ROBO2: variants seen among roughly 807,000 people sequenced by gnomAD.
The protein encoded by ROBO2 is roundabout guidance receptor 2.
In ROBO2, 53 loss-of-function variants were observed where a neutral mutation model predicts 160.8. The ratio of observed to expected loss-of-function variants is 0.33; its 90% CI spans 0.26 to 0.41. The LOEUF (loss-of-function observed/expected upper bound fraction) is 0.41. Ranked by LOEUF, ROBO2 falls within the 10% of genes least tolerant of loss-of-function variation. ROBO2 has a pLI of 1.00. For missense variants in ROBO2, 1,577 were observed against 1,722.4 expected (o/e 0.92, Z 1.49); for synonymous variants, 664 against 611.7 (o/e 1.09, Z -1.26).
chr3:77,442,038 C>A (rs1027227935), intron 2 of ROBO2, among the ~76,000 whole-genome samples: 1 of 152,088 alleles, frequency 6.6e-6, no homozygotes, highest in East Asian at 1.9e-4. Context: ...TACGGCCGGG[C>A]GCGGTGGCTC....
chr3:77,519,594 G>A (rs973529357), intron 5 of ROBO2, among the ~76,000 whole-genome samples: 1 of 151,042 alleles, frequency 6.6e-6, no homozygotes, highest in Non-Finnish European at 1.5e-5. Flanking sequence ...CCACTTATAA[G>A]TGAGAACATG....
chr3:76,711,155 G>A (rs888210325), intron 2 of ROBO2, among the ~76,000 whole-genome samples: 1 of 152,156 alleles, frequency 6.6e-6, no homozygotes, highest in Non-Finnish European at 1.5e-5. Context: ...AAGAAAAGAG[G>A]TTTAGTTGAC....
intron 19 of ROBO2, among the ~76,000 whole-genome samples, chr3:77,600,852 T>C (rs553849614): frequency 6.6e-6 from 1 of 152,344 alleles, no homozygotes; most frequent in South Asian, 2.1e-4. Flanking sequence ...AAAGTAGTTG[T>C]GAAGTTCTGA....
chr3:76,059,366 A>G (rs202026069), intron 2 of ROBO2, among the ~76,000 whole-genome samples: 3,116 of 152,000 alleles, frequency 0.021, 43 homozygotes, highest in East Asian at 0.081. Flanking sequence ...ATGGTATCTC[A>G]TTGTGGTTTT....
intron 2 of ROBO2, among the ~76,000 whole-genome samples, chr3:76,219,265 G>A (rs927595839): frequency 1.1e-4 from 16 of 152,156 alleles, no homozygotes; most frequent in African/African-American, 3.6e-4. Context: ...ATAGGCATGG[G>A]CAAGGACTTC....
At chr3:77,612,367 C>A (rs1310472158) in intron 21 of ROBO2, among the ~76,000 whole-genome samples, 1 of 152,148 alleles carries the variant, frequency 6.6e-6, no homozygotes, top group Admixed American at 6.5e-5. Context: ...TGCATGAAAC[C>A]TAAGTATTTG....
At chr3:76,118,455 A>G (rs529950053) in intron 2 of ROBO2, among the ~76,000 whole-genome samples, 1 of 152,306 alleles carries the variant, frequency 6.6e-6, no homozygotes, top group South Asian at 2.1e-4. Context: ...TCATAAGGTC[A>G]TGTACTGTTT....
intron 2 of ROBO2, among the ~76,000 whole-genome samples, chr3:76,824,381 G>A (rs1226237415): frequency 3.3e-5 from 5 of 152,142 alleles, no homozygotes; most frequent in African/African-American, 9.6e-5. Context: ...ATAGGCGGGG[G>A]CCACAGTGCC....
At chr3:77,350,673 G>A (rs2153458033) in intron 2 of ROBO2, among the ~76,000 whole-genome samples, 1 of 152,254 alleles carries the variant, frequency 6.6e-6, no homozygotes, top group Middle Eastern at 3.4e-3. Context: ...ATAATTCTGG[G>A]TTTTCATAGA....
In ROBO2 at chr3:76,422,043, A is replaced by C. The variant is rs565659067; in HGVS notation, c.109+484441A>C. ...AGGTTCTTAGTAACTTCCTTTGCCA[A>C]ACTGGGCAAATAAGCAGGCCCACCT... is the stretch of plus-strand genomic sequence containing the variant. On this transcript the variant is annotated intron_variant, in intron 2 of 26. Coordinates refer to the ROBO2 transcript ENST00000487694. Among the ~76,000 whole-genome samples, 14 of 152,282 alleles carry C rather than the reference A, an allele frequency of 9.2e-5. No homozygotes were observed. The South Asian group carries it at 2.7e-3, about 29-fold the overall frequency.
intron 2 of ROBO2, among the ~76,000 whole-genome samples, chr3:76,026,752 C>T (rs1232576299): frequency 6.6e-6 from 1 of 151,868 alleles, no homozygotes; most frequent in Non-Finnish European, 1.5e-5. Context: ...CAGAACTATA[C>T]AAAATGTGAA....
At chr3:76,724,242 C>T (rs2093511650) in intron 2 of ROBO2, among the ~76,000 whole-genome samples, 1 of 152,274 alleles carries the variant, frequency 6.6e-6, no homozygotes, top group East Asian at 1.9e-4. Flanking sequence ...TCCTGACCAG[C>T]CCTCTGGACC....
intron 2 of ROBO2, among the ~76,000 whole-genome samples, chr3:77,254,269 A>G (rs1398605572): frequency 6.6e-6 from 1 of 152,190 alleles, no homozygotes; most frequent in African/African-American, 2.4e-5. Context: ...CTCAAAAAGA[A>G]AGAAAAAATA....
At chr3:76,595,546 A>G (rs1469410010) in intron 2 of ROBO2, among the ~76,000 whole-genome samples, 1 of 152,074 alleles carries the variant, frequency 6.6e-6, no homozygotes, top group East Asian at 1.9e-4. Flanking sequence ...ATAAAATTAT[A>G]TTTTGTTAAT....
At chr3:77,306,556 C>G (rs950569800) in intron 2 of ROBO2, among the ~76,000 whole-genome samples, 9 of 152,004 alleles carry the variant, frequency 5.9e-5, no homozygotes, top group Admixed American at 5.2e-4. Context: ...CCTGTGTGAC[C>G]CTGTCTTAAA....
chr3:76,975,130 T>C (rs905694805), intron 2 of ROBO2, among the ~76,000 whole-genome samples: 41 of 152,276 alleles, frequency 2.7e-4, no homozygotes, highest in African/African-American at 9.4e-4. Flanking sequence ...GTTGATGTCA[T>C]TGTTTATTGT....
At chr3:77,375,122 G>A (rs749484554) in intron 2 of ROBO2, among the ~76,000 whole-genome samples, 14 of 152,194 alleles carry the variant, frequency 9.2e-5, no homozygotes, top group Non-Finnish European at 1.8e-4. Flanking sequence ...CAAGGTGGGA[G>A]GATCATTTGA....
chr3:77,188,233 G>C (rs905067415), intron 2 of ROBO2, among the ~76,000 whole-genome samples: 4 of 143,156 alleles, frequency 2.8e-5, no homozygotes, highest in African/African-American at 6.0e-5. Context: ...AAGGGTAAAA[G>C]CCAACTAAAT....
chr3:77,143,356 G>A (rs894232401), intron 2 of ROBO2, among the ~76,000 whole-genome samples: 1 of 151,192 alleles, frequency 6.6e-6, no homozygotes, highest in African/African-American at 2.4e-5. Flanking sequence ...CACCACACCC[G>A]GCTAATTTTT....
Sources: gnomAD v4.1 joint callset for allele counts (sites outside exome capture counted in the v4.1 genomes callset) on GRCh38, gnomAD v4.1.1 for gene constraint, MANE v1.5 for transcripts, NCBI Gene and HGNC (gene_info 2026-07-23, HGNC 2026-07-21) for gene names.